PABIR3: variants seen among roughly 807,000 people sequenced by gnomAD.
The protein encoded by PABIR3 is PABIR family member 3.
Under a neutral mutation model 23.1 loss-of-function variants are expected in PABIR3, and 20 were observed. The ratio of observed to expected loss-of-function variants is 0.86; its 90% CI spans 0.61 to 1.26. The LOEUF is 1.26. Ranked by LOEUF, PABIR3 falls within the 50% of genes most tolerant of loss-of-function variation. The pLI is 0.00. For synonymous variants in PABIR3, 69 were observed against 68.5 expected, an observed-to-expected ratio of 1.01 and a Z score of -0.04; for missense variants, 189 against 195.4, an observed-to-expected ratio of 0.97 and a Z score of 0.20.
chrX:134,837,111 C>T (rs1173080096), intron 4 of PABIR3, among the ~76,000 whole-genome samples: 1 of 110,596 alleles, frequency 9.0e-6, no homozygotes, highest in Non-Finnish European at 1.9e-5. Context: ...TTTGGAAGGC[C>T]GAGGCGGGTG....
At chrX:134,828,812 T>C (rs908758557) in intron 3 of PABIR3, among the ~76,000 whole-genome samples, 1 of 111,909 alleles carries the variant, frequency 8.9e-6, no homozygotes, top group African/African-American at 3.2e-5. Context: ...GGCAGTATGC[T>C]TGGCAAGCTA....
rs190437392 is a variant in PABIR3 at position 134,849,583 on chromosome X, A to C, written c.589+355A>C. 4.5e-5 allele frequency among the ~76,000 whole-genome samples: 5 copies of C among 111,385 alleles called. No homozygotes were observed. In the East Asian group the frequency reaches 1.4e-3, roughly 31 times the overall value. On this transcript the variant is annotated intron_variant, in intron 9 of 10. Transcript: ENST00000645433. ...TCATCAAGTATTTTGCTGAATGTCA[A>C]CCCCTGCCTCACTGCCACACACACA...
At chrX:134,804,123 G>A (rs2048009546), upstream of PABIR3, 3 of 817,104 alleles carry the variant, frequency 3.7e-6, no homozygotes, top group Non-Finnish European at 5.2e-6. Flanking sequence ...GACAGACGCA[G>A]CAGACTGGGA....
intron 2 of PABIR3, among the ~76,000 whole-genome samples, chrX:134,813,990 G>A (rs1276721154): frequency 1.9e-5 from 2 of 105,876 alleles, no homozygotes; most frequent in Non-Finnish European, 3.9e-5. Flanking sequence ...TTTTTTTAAT[G>A]TGAAATCTTT....
intron 3 of PABIR3, among the ~76,000 whole-genome samples, chrX:134,824,535 C>G (rs747420570): frequency 2.7e-5 from 3 of 112,309 alleles, no homozygotes; most frequent in Non-Finnish European, 5.6e-5. Context: ...CCCGGTGGCT[C>G]ATGCCTGTAA....
chrX:134,819,039 C>T (rs1193116386), intron 3 of PABIR3, among the ~76,000 whole-genome samples: 2 of 103,749 alleles, frequency 1.9e-5, no homozygotes, highest in African/African-American at 7.1e-5. Context: ...TGGGTTCAAG[C>T]GATTCTTCTG....
chrX:134,819,990 A>G (rs2081187413), intron 3 of PABIR3, among the ~76,000 whole-genome samples: 1 of 111,574 alleles, frequency 9.0e-6, no homozygotes, highest in Admixed American at 9.6e-5. Flanking sequence ...CCCCAAGAAA[A>G]GGAGGTTCTA....
At chrX:134,814,703 C>CAAAAAA in intron 2 of PABIR3, 68 bp from the exon 3 acceptor site, 1 of 628,853 alleles carries the variant, frequency 1.6e-6, no homozygotes, top group Non-Finnish European at 2.1e-6. Flanking sequence ...GACTCCGTCT[C>CAAAAAA]AAAAAAAAAA....
At chrX:134,864,689 C>T in the PABIR3 span, among the ~76,000 whole-genome samples, 4 of 112,036 alleles carry the variant, frequency 3.6e-5, no homozygotes, top group Admixed American at 3.8e-4. Context: ...ATATATGGTA[C>T]AATTTGTTTA....
chrX:134,842,669 A>C (rs2082275558), intron 4 of PABIR3, among the ~76,000 whole-genome samples: 1 of 110,206 alleles, frequency 9.1e-6, no homozygotes, highest in Admixed American at 9.6e-5. Flanking sequence ...AGGCTGAGGC[A>C]GGTGGATCAC....
downstream of PABIR3, among the ~76,000 whole-genome samples, chrX:134,859,038 C>T (rs1250510154): frequency 9.0e-6 from 1 of 111,647 alleles, no homozygotes; most frequent in Non-Finnish European, 1.9e-5. Context: ...TCATGTCAGC[C>T]TTTTGGGAGA....
chrX:134,822,403 C>T, intron 3 of PABIR3: 1 of 752,834 alleles, frequency 1.3e-6, no homozygotes, highest in Non-Finnish European at 1.6e-6. Context: ...TCAGCCAATA[C>T]AAGATTTGAT....
chrX:134,803,224 G>T (rs1410092182), upstream of PABIR3, among the ~76,000 whole-genome samples: 1 of 112,043 alleles, frequency 8.9e-6, no homozygotes. Flanking sequence ...GGAGCTGGAG[G>T]GGGCTGCATG....
chrX:134,822,731 A>G (rs182500487), intron 3 of PABIR3: 1 of 595,905 alleles, frequency 1.7e-6, no homozygotes, highest in Non-Finnish European at 2.0e-6. Flanking sequence ...ATAAGAACTT[A>G]TGAACACAAG....
intron 4 of PABIR3, among the ~76,000 whole-genome samples, chrX:134,830,641 T>A (rs1010651742): frequency 9.0e-6 from 1 of 110,967 alleles, no homozygotes; most frequent in African/African-American, 3.3e-5. Context: ...CTGTTTTTTT[T>A]ACTTTTTAGT....
chrX:134,812,592 G>A (rs937191209), intron 2 of PABIR3, among the ~76,000 whole-genome samples: 5 of 111,562 alleles, frequency 4.5e-5, no homozygotes, highest in Admixed American at 1.9e-4. Context: ...AGATAAGTGC[G>A]TAGGGAGCTT....
chrX:134,823,093 T>G (rs946012573), intron 3 of PABIR3: 1 of 110,685 alleles, frequency 9.0e-6, no homozygotes, highest in Non-Finnish European at 1.9e-5. Context: ...TGAGCTGAGA[T>G]TGCACCACTG....
upstream of PABIR3, among the ~76,000 whole-genome samples, chrX:134,806,628 A>C (rs2080248691): frequency 9.1e-6 from 1 of 109,927 alleles, no homozygotes; most frequent in Non-Finnish European, 1.9e-5. Flanking sequence ...AAAAAAAAAA[A>C]AACAAAAAAC....
chrX:134,798,332 A>C (rs1297397891), intron 1 of PABIR3, among the ~76,000 whole-genome samples: 1 of 112,310 alleles, frequency 8.9e-6, no homozygotes, highest in African/African-American at 3.2e-5. Context: ...AATGGGCAGC[A>C]CTGCAGAGGA....
Sources: allele counts gnomAD v4.1 joint callset (sites outside exome capture counted in the v4.1 genomes callset), GRCh38; gene constraint gnomAD v4.1.1; transcripts MANE v1.5; gene names NCBI Gene and HGNC (gene_info 2026-07-23, HGNC 2026-07-21).